Variants in CST3 observed in about 807,000 individuals in gnomAD.
The protein encoded by CST3 is cystatin-C.
Under a neutral mutation model 9.0 loss-of-function variants are expected in CST3, and 14 were observed. That is an observed-to-expected ratio of 1.56 (90% CI 1.03 to 2.44). The LOEUF (loss-of-function observed/expected upper bound fraction) is 2.44. Ranked by LOEUF, CST3 falls within the 30% of genes most tolerant of loss-of-function variation. The pLI is 0.00. For synonymous variants in CST3, 96 were observed against 90.2 expected, an observed-to-expected ratio of 1.06 and a Z score of -0.37; for missense variants, 237 against 204.3, an observed-to-expected ratio of 1.16 and a Z score of -0.98.
intron 2 of CST3, 31 bp from the exon 3 acceptor site, chr20:23,634,030 G>C (rs1979558549): frequency 6.3e-7 from 1 of 1,577,156 alleles, no homozygotes; most frequent in Non-Finnish European, 8.7e-7. Context: ...GACAATCAGT[G>C]TGGGTTACAG....
At position 23,633,757 on chromosome 20, in the gene CST3, A is replaced by G; in HGVS notation, c.*159T>C. On this transcript the variant is annotated 3_prime_UTR_variant, in exon 3 of 3. Coordinates refer to ENST00000376925, the MANE Select transcript of CST3 (RefSeq NM_000099.4). ...GGAGGGAGGGCAGAGCCCCTTGCTG[A>G]GCAACAAAGGCCGCCTGCTGCCTTC... The G allele has an allele frequency of 1.4e-6, 1 of 717,290 alleles. No homozygotes were observed. The highest frequency in any genetic ancestry group is 2.5e-6 in the Non-Finnish European group (1 of 393,168). The allele number at this position is 717,290 out of a possible 1,614,324, so 44.4% of individuals were successfully genotyped here.
chr20:23,629,532 AAAG>A (rs1215654205), downstream of CST3: 2 of 152,246 alleles, frequency 1.3e-5, no homozygotes, highest in Non-Finnish European at 1.5e-5. Context: ...AGTCCCTCAC[AAAG>A]AAGGTGGTCC....
At chr20:23,635,444 C>T (rs1979635680) in intron 1 of CST3, 77 bp from the exon 2 acceptor site, 2 of 1,303,390 alleles carry the variant, frequency 1.5e-6, no homozygotes, top group South Asian at 2.5e-5. Context: ...TTCACTGTGA[C>T]CGGGTCACTG....
chr20:23,634,777 C>A (rs180949711), intron 2 of CST3, among the ~76,000 whole-genome samples: 1 of 152,138 alleles, frequency 6.6e-6, no homozygotes, highest in Non-Finnish European at 1.5e-5. Context: ...CTCCACACCA[C>A]CCCGTCTACA....
At chr20:23,635,112 G>A in intron 2 of CST3, 142 bp downstream of exon 2, 1 of 773,698 alleles carries the variant, frequency 1.3e-6, no homozygotes, top group Non-Finnish European at 2.2e-6. Flanking sequence ...CCTATACTTG[G>A]AAACACATAT....
rs3067508 is a variant in CST3, at chr20:23,635,182, TCACACA to T, written c.357+66_357+71del. The T allele has an allele frequency of 1.3e-3, 1,393 of 1,102,556 alleles. 7 individuals are homozygous for T. In the African/African-American group the frequency reaches 0.014, roughly 11 times the overall value. 68.3% of individuals were successfully genotyped at this position (1,102,556 alleles called of 1,614,324 possible). The stretch of plus-strand genomic sequence containing the variant: ...ACACGTACCCTGCAGAACATGTGCA[TCACACA>T]CACACACACACACACACACCCCTCT... On this transcript the variant is annotated intron_variant, in intron 2 of 2. Coordinates refer to ENST00000376925, the MANE Select transcript of CST3 (RefSeq NM_000099.4).
At chr20:23,630,550 A>G (rs1228527179), downstream of CST3, among the ~76,000 whole-genome samples, 1 of 152,202 alleles carries the variant, frequency 6.6e-6, no homozygotes, top group Admixed American at 6.5e-5. Flanking sequence ...AGGGGTGACT[A>G]GCTGCTGTCT....
rs925487588 is a variant in CST3 at position 23,637,841 on chromosome 20, G to A, written c.22C>T (p.Pro8Ser). The change falls in exon 1 of 3, where the codon CCG becomes TCG. Residue 8 changes from proline to serine, a missense_variant. Physicochemically the swap from Pro to Ser is moderately conservative, Grantham distance 74 (BLOSUM62 -1). Transcript: ENST00000376925. MAGPLRAPLLLLAILAVA... is the reference protein window; with the variant it reads MAGPLRASLLLLAILAVA... The stretch of plus-strand genomic sequence containing the variant: ...GCCAGGATGGCCAGCAGGAGCAGCG[G>A]GGCGCGCAGGGGCCCGGCCATGGTC... The A allele has an allele frequency of 1.4e-5, 20 of 1,436,188 alleles. No individual in the cohort carries two copies. The highest frequency in any genetic ancestry group is 6.2e-5 in the Admixed American group (2 of 32,102). 89.0% of individuals were successfully genotyped at this position (1,436,188 alleles called of 1,614,324 possible).
downstream of CST3, chr20:23,633,577 C>T: frequency 2.1e-6 from 1 of 475,546 alleles, no homozygotes. Flanking sequence ...TTCACACCAG[C>T]AGGACAAGGA....
downstream of CST3, among the ~76,000 whole-genome samples, chr20:23,632,527 G>A (rs758537973): frequency 6.6e-6 from 1 of 152,188 alleles, no homozygotes; most frequent in East Asian, 1.9e-4. Flanking sequence ...AGCAAGTCAG[G>A]GTGGAGAGGA....
chr20:23,628,664 C>G (rs6048956), downstream of CST3: 1 of 152,006 alleles, frequency 6.6e-6, no homozygotes, highest in African/African-American at 2.4e-5. Flanking sequence ...AGAGCAAGGG[C>G]GGGCATCAGG....
At chr20:23,636,734 G>A (rs767987256) in intron 1 of CST3, among the ~76,000 whole-genome samples, 4 of 152,204 alleles carry the variant, frequency 2.6e-5, no homozygotes, top group Non-Finnish European at 5.9e-5. Flanking sequence ...CTGGGAAATG[G>A]CACGGTCGTG....
downstream of CST3, among the ~76,000 whole-genome samples, chr20:23,633,334 C>G (rs1239128872): frequency 6.6e-6 from 1 of 152,148 alleles, no homozygotes; most frequent in Non-Finnish European, 1.5e-5. Context: ...ACACAGCCAG[C>G]TCCCTCCTCC....
downstream of CST3, among the ~76,000 whole-genome samples, chr20:23,633,017 T>C (rs1979506898): frequency 1.3e-5 from 2 of 152,138 alleles, no homozygotes; most frequent in Admixed American, 1.3e-4. Flanking sequence ...CTGGTGGCTA[T>C]GAGCCTGTAA....
chr20:23,635,365 G>C lies in CST3; in HGVS notation c.246C>G (p.Ile82Met). 1 of 1,611,762 alleles carries C rather than the reference G, an allele frequency of 6.2e-7. No homozygotes were observed. The highest frequency in any genetic ancestry group is 8.5e-7 in the Non-Finnish European group (1 of 1,179,178). ...CCAAGAAGTAGTTCACCCCAGCTAC[G>C]ATCTACACATGTGAAAGAGCAGGAG... ...ALQVVRARKQ[I>M]VAGVNYFLDV... Residue 82 changes from isoleucine (I) to methionine (M), a missense_variant and splice_region_variant, in exon 2 of 3, where the codon ATC (isoleucine) becomes ATG (methionine). By Grantham distance (10) the Ile-to-Met change is conservative. Coordinates refer to ENST00000376925, the MANE Select transcript of CST3 (RefSeq NM_000099.4).
At chr20:23,631,754 C>G (rs1359144779), downstream of CST3, 1 of 152,230 alleles carries the variant, frequency 6.6e-6, no homozygotes, top group Admixed American at 6.5e-5. Flanking sequence ...TCACCAGCAA[C>G]ACAATGCAAG....
chr20:23,636,532 T>G (rs138964162), intron 1 of CST3, among the ~76,000 whole-genome samples: 1 of 151,774 alleles, frequency 6.6e-6, no homozygotes, highest in African/African-American at 2.4e-5. Flanking sequence ...AGGCCGCTAG[T>G]CCTAGGGGAC....
intron 1 of CST3, 34 bp downstream of exon 1, chr20:23,637,586 C>T: frequency 6.8e-7 from 1 of 1,474,146 alleles, no homozygotes; most frequent in Non-Finnish European, 9.0e-7. Context: ...ACGGCGGGGC[C>T]GGGGCTTCGG....
intron 2 of CST3, among the ~76,000 whole-genome samples, chr20:23,634,787 A>G (rs1287183085): frequency 6.6e-6 from 1 of 152,104 alleles, no homozygotes; most frequent in Admixed American, 6.5e-5. Flanking sequence ...CCCCGTCTAC[A>G]TGCACACACA....
Sources: allele counts gnomAD v4.1 joint callset (sites outside exome capture counted in the v4.1 genomes callset), GRCh38; gene constraint gnomAD v4.1.1; transcripts MANE v1.5; gene names NCBI Gene and HGNC (gene_info 2026-07-23, HGNC 2026-07-21).